Variants in AFG1L observed in about 807,000 individuals in gnomAD.
The protein encoded by AFG1L is AFG1 like ATPase.
AFG1L carries 53 observed loss-of-function variants against 62.2 expected under a neutral mutation model. That is an observed-to-expected ratio of 0.85 (90% confidence interval 0.68 to 1.07). The LOEUF is 1.07. Ranked by LOEUF, AFG1L falls within the 50% of genes least tolerant of loss-of-function variation. AFG1L has a pLI of 0.00. For missense variants in AFG1L, 555 were observed against 590.5 expected (o/e 0.94, Z 0.62); for synonymous variants, 228 against 210.3 (o/e 1.08, Z -0.73).
Position 108,339,123 on chromosome 6 carries a change from A to C in AFG1L, c.364-7865A>C, listed in dbSNP as rs530947386. Reference sequence around the variant, plus strand: ...TTGTTTTTCTTACTGATTGATTTATAAAAGCTCTTTGTTTATTAAGAAAAT... The same window carrying C: ...TTGTTTTTCTTACTGATTGATTTATCAAAGCTCTTTGTTTATTAAGAAAAT... On this transcript the variant is annotated intron_variant, in intron 2 of 12. Coordinates refer to ENST00000368977, the MANE Select transcript of AFG1L (RefSeq NM_145315.5). Among the ~76,000 whole-genome samples, 5 of 152,188 alleles carry C rather than the reference A, an allele frequency of 3.3e-5. No homozygotes were observed. The South Asian group carries it at 1.0e-3, about 32-fold the overall frequency.
rs188718561 is a variant in AFG1L at position 108,476,719 on chromosome 6, G to A, written c.891-146G>A. ...GAGAGTTAATATTCTCTGCTTTTAA[G>A]TGTATTCTAAATCTAATGTTTGTAT... On this transcript the variant is annotated intron_variant, in intron 8 of 12. Transcript: ENST00000368977. 2.8e-4 allele frequency: 177 copies of A among 622,412 alleles called. 1 individual carries two copies. In the African/African-American group the frequency reaches 3.2e-3, roughly 11 times the overall value. 38.6% of individuals were successfully genotyped at this position (622,412 alleles called of 1,614,324 possible). A position where few individuals can be genotyped will look rare whatever the true frequency, so the allele number is the denominator to read the frequency against.
At chr6:108,417,163 G>A (rs1770335459) in intron 7 of AFG1L, among the ~76,000 whole-genome samples, 1 of 151,606 alleles carries the variant, frequency 6.6e-6, no homozygotes, top group Admixed American at 6.6e-5. Context: ...GAGCCCAGGA[G>A]TTCCAGGCTG....
intron 10 of AFG1L, 101 bp from the exon 11 acceptor site, chr6:108,510,111 A>G: frequency 3.5e-6 from 3 of 859,930 alleles, no homozygotes; most frequent in Non-Finnish European, 1.7e-6. Flanking sequence ...TACCACCTAG[A>G]TCACACCATG....
At chr6:108,455,810 A>G (rs1772233409) in intron 8 of AFG1L, among the ~76,000 whole-genome samples, 2 of 152,212 alleles carry the variant, frequency 1.3e-5, no homozygotes, top group South Asian at 4.1e-4. Context: ...TCTATGTTGT[A>G]TGATTTGAAT....
rs538241539 is a variant in AFG1L at position 108,346,390 on chromosome 6, G to A, written c.364-598G>A. On this transcript the variant is annotated intron_variant, in intron 2 of 12. Transcript: ENST00000368977. ...ACTTTTTTTTTTTTAAATTGAGATG[G>A]GGTCTTGCTCTGTTGTCTAGGCTGC... 1.0e-3 allele frequency among the ~76,000 whole-genome samples: 157 copies of A among 151,684 alleles called. 1 individual carries two copies. Among genetic ancestry groups the A allele is most frequent in the African/African-American group, 3.7e-3 (151 of 41,320 alleles).
At chr6:108,464,789 A>G (rs1299587622) in intron 8 of AFG1L, among the ~76,000 whole-genome samples, 1 of 63,084 alleles carries the variant, frequency 1.6e-5, no homozygotes, top group Non-Finnish European at 4.8e-5. Context: ...AAAAACAAAC[A>G]AAAAAAACAC....
At chr6:108,392,700 A>C (rs190611389) in intron 6 of AFG1L, among the ~76,000 whole-genome samples, 195 of 152,242 alleles carry the variant, frequency 1.3e-3, no homozygotes, top group Admixed American at 3.9e-3. Flanking sequence ...TAAATAGTCT[A>C]TAGGTAGTCT....
intron 7 of AFG1L, among the ~76,000 whole-genome samples, chr6:108,420,032 A>G (rs149806731): frequency 0.012 from 1,896 of 152,216 alleles, 24 homozygotes; most frequent in Non-Finnish European, 0.02. Context: ...CAGTTTGTTC[A>G]TTGTAACTTT....
At chr6:108,372,022 G>C (rs9480848) in intron 6 of AFG1L, among the ~76,000 whole-genome samples, 16,037 of 151,884 alleles carry the variant, frequency 0.11, 2,394 homozygotes, top group African/African-American at 0.33. Context: ...CCTCCCAAAA[G>C]GCTGGGATTA....
At chr6:108,318,115 A>G (rs1777676084) in intron 1 of AFG1L, 1 of 163,382 alleles carries the variant, frequency 6.1e-6, no homozygotes, top group Non-Finnish European at 1.3e-5. Flanking sequence ...GACTTTCTGT[A>G]ACATGTGTGG....
chr6:108,481,617 A>AC (rs1225054536), intron 10 of AFG1L, among the ~76,000 whole-genome samples: 6 of 152,108 alleles, frequency 3.9e-5, no homozygotes, highest in Non-Finnish European at 4.4e-5. Flanking sequence ...TAAATAAATA[A>AC]CCCAGTTTCA....
chr6:108,476,728 A>G (rs1272376082), intron 8 of AFG1L, 137 bp from the exon 9 acceptor site: 7 of 639,686 alleles, frequency 1.1e-5, no homozygotes. Context: ...AGTGTATTCT[A>G]AATCTAATGT....
intron 8 of AFG1L, among the ~76,000 whole-genome samples, chr6:108,471,133 A>C (rs1330990080): frequency 6.6e-6 from 1 of 152,222 alleles, no homozygotes; most frequent in African/African-American, 2.4e-5. Context: ...AACTCTTCTC[A>C]ATTGATCATC....
intron 8 of AFG1L, among the ~76,000 whole-genome samples, chr6:108,450,429 G>A (rs139912586): frequency 0.073 from 11,034 of 152,100 alleles, 504 homozygotes; most frequent in South Asian, 0.15. Context: ...CATATCCTTC[G>A]CCCACTTGTT....
At chr6:108,314,689 C>T (rs573305847) in intron 1 of AFG1L, among the ~76,000 whole-genome samples, 1 of 152,170 alleles carries the variant, frequency 6.6e-6, no homozygotes, top group East Asian at 1.9e-4. Flanking sequence ...CGTGAGCCAC[C>T]ACTCCAAACC....
chr6:108,433,090 G>C (rs1771145413), intron 7 of AFG1L, among the ~76,000 whole-genome samples: 1 of 152,160 alleles, frequency 6.6e-6, no homozygotes, highest in South Asian at 2.1e-4. Flanking sequence ...GCCGTGGGAT[G>C]AAATTGTTAC....
At position 108,519,787 on chromosome 6, in the gene AFG1L, A is replaced by G; in HGVS notation, c.1294A>G (p.Met432Val). Residue 432 changes from methionine to valine, a missense_variant, in exon 12 of 13, where the codon ATG (methionine) becomes GTG (valine). Met to Val is a conservative substitution (Grantham distance 21, BLOSUM62 1). Coordinates refer to ENST00000368977, the MANE Select transcript of AFG1L (RefSeq NM_145315.5). Reference sequence around the variant, plus strand: ...TGAGTTGGAGCAAAGCAGAATACTGATGGATGATTTGGGGCTGAGCCAGGT... The same window carrying G: ...TGAGTTGGAGCAAAGCAGAATACTGGTGGATGATTTGGGGCTGAGCCAGGT... The part of the protein sequence containing the change: ...DSELEQSRIL[M>V]DDLGLSQDSA... 6.2e-7 allele frequency: 1 copy of G among 1,611,712 alleles called. No individual in the cohort carries two copies. Among genetic ancestry groups the G allele is most frequent in the Non-Finnish European group, 8.5e-7 (1 of 1,178,870 alleles).
chr6:108,433,072 G>A (rs912272596), intron 7 of AFG1L, among the ~76,000 whole-genome samples: 1 of 152,180 alleles, frequency 6.6e-6, no homozygotes, highest in African/African-American at 2.4e-5. Context: ...TTGTTATGAG[G>A]AAATCCTGCC....
At chr6:108,398,591 C>G (rs1390824662) in intron 6 of AFG1L, among the ~76,000 whole-genome samples, 2 of 152,160 alleles carry the variant, frequency 1.3e-5, no homozygotes, top group Non-Finnish European at 2.9e-5. Flanking sequence ...AATTTGAAGT[C>G]TTAAATTTAA....
Sources: allele counts gnomAD v4.1 joint callset (sites outside exome capture counted in the v4.1 genomes callset), GRCh38; gene constraint gnomAD v4.1.1; transcripts MANE v1.5; gene names NCBI Gene and HGNC (gene_info 2026-07-23, HGNC 2026-07-21).